BAIAP3: variants seen among roughly 807,000 people sequenced by gnomAD.
BAIAP3 encodes BAI1-associated protein 3.
A neutral mutation model predicts 149.7 loss-of-function variants in BAIAP3; 180 were observed. The ratio of observed to expected loss-of-function variants is 1.20; its 90% CI spans 1.07 to 1.36. BAIAP3 has a LOEUF of 1.36. Among genes scored for constraint, BAIAP3 ranks in the 40% most tolerant of loss-of-function variants. BAIAP3 has a pLI of 0.00. For synonymous variants in BAIAP3, 845 were observed against 670.7 expected (o/e 1.26, Z -4.02); for missense variants, 1,767 against 1,563.4 (o/e 1.13, Z -2.20).
intron 11 of BAIAP3, 84 bp downstream of exon 11, chr16:1,342,367 G>T: frequency 1.4e-6 from 2 of 1,469,170 alleles, no homozygotes; most frequent in African/African-American, 1.4e-5. Flanking sequence ...GGCACTGCCT[G>T]GAGAAGCTCC....
At chr16:1,335,986 T>C (rs2033426616) in intron 1 of BAIAP3, among the ~76,000 whole-genome samples, 1 of 152,108 alleles carries the variant, frequency 6.6e-6, no homozygotes, top group South Asian at 2.1e-4. Context: ...AGGAGGTGAA[T>C]GTGGAGAGGA....
chr16:1,340,895 C>A (rs1011968659), intron 5 of BAIAP3, 27 bp from the exon 6 acceptor site: 2 of 1,556,080 alleles, frequency 1.3e-6, no homozygotes, highest in African/African-American at 1.4e-5. Context: ...GTTGCCTAGG[C>A]CCTGCCAACC....
At position 1,348,611 on chromosome 16, in the gene BAIAP3, T is replaced by C. The variant is rs890346964; in HGVS notation, c.*129T>C. 3.2e-6 allele frequency: 3 copies of C among 934,440 alleles called. No individual in the cohort carries two copies. Among genetic ancestry groups the C allele is most frequent in the African/African-American group, 1.6e-5 (1 of 60,814 alleles). 57.9% of individuals were successfully genotyped at this position (934,440 alleles called of 1,614,324 possible). A position where few individuals can be genotyped will look rare whatever the true frequency, so the allele number is the denominator to read the frequency against. On this transcript the variant is annotated 3_prime_UTR_variant, in exon 34 of 34. Transcript: ENST00000426824. ...CTCCTGTGCTGTGACGTGTGTGTCG[T>C]GGCTGGCCCCGCGGCGCCTACCGCC... is the stretch of plus-strand genomic sequence containing the variant.
chr16:1,336,859 AC>A (rs2033488955), intron 1 of BAIAP3, among the ~76,000 whole-genome samples: 1 of 152,068 alleles, frequency 6.6e-6, no homozygotes. Flanking sequence ...GCCCGGAGGC[AC>A]CCTCCGCAGG....
Position 1,338,994 on chromosome 16 carries a change from G to C in BAIAP3, c.219+5G>C, listed in dbSNP as rs769487647. 6.2e-7 allele frequency: 1 copy of C among 1,612,724 alleles called. No homozygotes were observed. Among genetic ancestry groups the C allele is most frequent in the Admixed American group, 1.7e-5 (1 of 59,990 alleles). On this transcript the variant is annotated splice_donor_5th_base_variant and intron_variant, in intron 3 of 33. Coordinates refer to ENST00000426824, the MANE Select transcript of BAIAP3 (RefSeq NM_001199097.2). ...CAGGGCTTGCCGTGCCTCGAGGTAA[G>C]GGTGCCACCCCCAGGGCCCGATACC...
In BAIAP3 at chr16:1,344,048, C is replaced by T. The variant is rs201900869; in HGVS notation, c.1413C>T (p.Ser471=). ...AGGAGAGCCTGGCTGATAGCCTTTC[C>T]GCCTTCTCTGAGTTCGGGCTGCAGC... The part of the protein sequence containing the change: ...EQEESLADSL[S]AFSEFGLQLL... The change falls in exon 16 of 34, where the codon TCC becomes TCT. Residue 471 remains serine (S), a synonymous_variant. Transcript: ENST00000426824. The T allele has an allele frequency of 1.1e-5, 17 of 1,612,520 alleles. No homozygotes were observed. The highest frequency in any genetic ancestry group is 4.5e-5 in the East Asian group (2 of 44,880).
chr16:1,343,347 G>C, intron 14 of BAIAP3, 46 bp from the exon 15 acceptor site: 2 of 1,562,312 alleles, frequency 1.3e-6, no homozygotes, highest in Non-Finnish European at 1.7e-6. Flanking sequence ...AGTGGGCATG[G>C]CAGGGGCGGG....
chr16:1,341,423 A>C lies in BAIAP3; in HGVS notation c.665A>C (p.Lys222Thr), dbSNP rs2033918761. 2 of 1,612,558 alleles carry C rather than the reference A, an allele frequency of 1.2e-6. No homozygotes were observed. Among genetic ancestry groups the C allele is most frequent in the Admixed American group, 3.3e-5 (2 of 60,008 alleles). Residue 222 changes from lysine (K) to threonine (T), a missense_variant, in exon 8 of 34, where the codon AAG (lysine) becomes ACG (threonine). By Grantham distance (78) the Lys-to-Thr change is moderately conservative (BLOSUM62 -1). Transcript: ENST00000426824. ...GSKRGGPLPA[K>T]CIQVTEVKSS... The stretch of plus-strand genomic sequence containing the variant: ...AAGCGCGGTGGACCCCTGCCTGCCA[A>C]GTGCATCCAGGTCACCGAGGTGAAG...
intron 3 of BAIAP3, 59 bp downstream of exon 3, chr16:1,339,048 T>C: frequency 6.2e-7 from 1 of 1,604,460 alleles, no homozygotes; most frequent in Non-Finnish European, 8.5e-7. Context: ...CCCCCTTTGC[T>C]CCTCCCCGCT....
chr16:1,337,363 A>G (rs1022482362), intron 1 of BAIAP3, among the ~76,000 whole-genome samples: 1 of 152,200 alleles, frequency 6.6e-6, no homozygotes, highest in Non-Finnish European at 1.5e-5. Flanking sequence ...TGAAAGTACA[A>G]AAAAATCAGC....
chr16:1,334,675 G>T lies in BAIAP3; in HGVS notation c.-11+926G>T, dbSNP rs768016801. On this transcript the variant is annotated intron_variant, in intron 1 of 33. Transcript: ENST00000426824. ...GGTTCGACTGGAATGAGACCCCGGGGAGCAGCGTTTGCAGCGGGCCCGCCA... is the reference window on the plus strand; with the variant it reads ...GGTTCGACTGGAATGAGACCCCGGGTAGCAGCGTTTGCAGCGGGCCCGCCA... 2.8e-5 allele frequency: 43 copies of T among 1,552,590 alleles called. No individual in the cohort carries two copies. The highest frequency in any genetic ancestry group is 1.7e-4 in the Middle Eastern group (1 of 5,878).
In BAIAP3 at chr16:1,339,615, C is replaced by T. The variant is rs1289787325; in HGVS notation, c.408+12C>T. 6.2e-7 allele frequency: 1 copy of T among 1,602,462 alleles called. No individual in the cohort carries two copies. ...GCTATCTCCAGCAGGTCAGCCCACCCTGACCCCGACCCAGACCCTGACAGC... is the reference window on the plus strand; with the variant it reads ...GCTATCTCCAGCAGGTCAGCCCACCTTGACCCCGACCCAGACCCTGACAGC... On this transcript the variant is annotated intron_variant, in intron 5 of 33. Coordinates refer to ENST00000426824, the MANE Select transcript of BAIAP3 (RefSeq NM_001199097.2).
In BAIAP3 at chr16:1,344,279, G is replaced by T. The variant is rs1445556722; in HGVS notation, c.1564G>T (p.Glu522Ter). The T allele has an allele frequency of 1.9e-6, 3 of 1,613,760 alleles. No individual in the cohort carries two copies. Among genetic ancestry groups the T allele is most frequent in the Non-Finnish European group, 2.5e-6 (3 of 1,180,014 alleles). ...ACCCTCCTTTGAGATCTGCCCCTTC[G>T]AGTCGGAGCTGAACATGGACATTGC... ...FQPSFEICPF[E>*]SELNMDIAAA... Residue 522 changes from glutamate to a stop codon, truncating the protein, a stop_gained, in exon 17 of 34, where the codon GAG becomes TAG. Coordinates refer to ENST00000426824, the MANE Select transcript of BAIAP3 (RefSeq NM_001199097.2). LOFTEE classifies it high-confidence loss of function.
At chr16:1,341,902 G>A (rs775978198) in intron 9 of BAIAP3, 36 bp downstream of exon 9, 16 of 1,603,316 alleles carry the variant, frequency 1.0e-5, no homozygotes, top group East Asian at 8.9e-5. Flanking sequence ...CGGCGGGGAT[G>A]CACACCTTTT....
intron 31 of BAIAP3, 24 bp downstream of exon 31, chr16:1,347,845 GGGT>G: frequency 6.2e-7 from 1 of 1,604,830 alleles, no homozygotes; most frequent in Non-Finnish European, 8.5e-7. Flanking sequence ...GGGACGGGTC[GGGT>G]GGTGGTGGGA....
rs371445697 is a variant in BAIAP3, at chr16:1,348,270, C to T, written c.3324C>T (p.Val1108=). Residue 1108 remains valine, a synonymous_variant, in exon 33 of 34, where the codon GTC becomes GTT. Coordinates refer to ENST00000426824, the MANE Select transcript of BAIAP3 (RefSeq NM_001199097.2). ...VGGGARAGQP[V]TLHLCRPRAQ... ...GGGGTGCAAGGGCTGGGCAGCCTGT[C>T]ACCCTGCACCTGTGCCGGCCCAGAG... 1.2e-6 allele frequency: 2 copies of T among 1,600,962 alleles called. No homozygotes were observed. The highest frequency in any genetic ancestry group is 1.7e-6 in the Non-Finnish European group (2 of 1,175,066).
At position 1,346,202 on chromosome 16, in the gene BAIAP3, G is replaced by T; in HGVS notation, c.2334G>T (p.Val778=). The T allele has an allele frequency of 6.2e-7, 1 of 1,612,106 alleles. No individual in the cohort carries two copies. The highest frequency in any genetic ancestry group is 1.1e-5 in the South Asian group (1 of 91,060). The change falls in exon 25 of 34, where the codon GTG becomes GTT. Residue 778 remains valine (V), a synonymous_variant. Transcript: ENST00000426824. ...TGGTCCTCAACAATGTGGAGCTCGT[G>T]CGCAAGGCTGCTGGGCAGGCCTTGA... is the stretch of plus-strand genomic sequence containing the variant. ...LCVVLNNVEL[V]RKAAGQALKG...
At chr16:1,334,134 G>A (rs2033303968) in intron 1 of BAIAP3, among the ~76,000 whole-genome samples, 1 of 151,936 alleles carries the variant, frequency 6.6e-6, no homozygotes, top group Admixed American at 6.5e-5. Context: ...CGGGCCCGGG[G>A]CCTCCCAGCA....
chr16:1,347,459 G>C, intron 29 of BAIAP3, 86 bp from the exon 30 acceptor site: 2 of 1,585,410 alleles, frequency 1.3e-6, no homozygotes, highest in Non-Finnish European at 1.7e-6. Flanking sequence ...TTGAGCATGA[G>C]GTGGCCCCAC....
Sources: gnomAD v4.1 joint callset for allele counts (sites outside exome capture counted in the v4.1 genomes callset) on GRCh38, gnomAD v4.1.1 for gene constraint, MANE v1.5 for transcripts, NCBI Gene and HGNC (gene_info 2026-07-23, HGNC 2026-07-21) for gene names.